Variants in GRIP2 observed in about 807,000 individuals in gnomAD.
GRIP2 encodes the protein glutamate receptor interacting protein 2, also known as glutamate receptor-interacting protein 2.
GRIP2 carries 58 observed loss-of-function variants against 108.3 expected under a neutral mutation model. The ratio of observed to expected loss-of-function variants is 0.54; its 90% CI spans 0.43 to 0.67. The LOEUF (loss-of-function observed/expected upper bound fraction) is 0.67. Ranked by LOEUF, GRIP2 falls within the 30% of genes least tolerant of loss-of-function variation. GRIP2 has a pLI of 0.00. For synonymous variants in GRIP2, 586 were observed against 598.2 expected (o/e 0.98, Z 0.30); for missense variants, 1,278 against 1,430.6 (o/e 0.89, Z 1.72).
chr3:14,589,693 A>G, the GRIP2 span, among the ~76,000 whole-genome samples: 2,766 of 152,240 alleles, frequency 0.018, 93 homozygotes, highest in African/African-American at 0.063. Context: ...GGTAACTGTC[A>G]AACTAACCTC....
At chr3:14,574,905 G>A in the GRIP2 span, 3 of 253,078 alleles carry the variant, frequency 1.2e-5, no homozygotes, top group South Asian at 8.9e-5. Context: ...AAGCATATAC[G>A]CTGTATTATT....
At chr3:14,558,289 C>T (rs560007843), upstream of GRIP2, among the ~76,000 whole-genome samples, 1 of 152,326 alleles carries the variant, frequency 6.6e-6, no homozygotes, top group East Asian at 1.9e-4. Context: ...CCAGGGAGCA[C>T]CCCTTATAAA....
chr3:14,584,323 G>A, the GRIP2 span, among the ~76,000 whole-genome samples: 1 of 152,102 alleles, frequency 6.6e-6, no homozygotes, highest in African/African-American at 2.4e-5. Flanking sequence ...CTCCACTTGG[G>A]GCTGTGTGGA....
chr3:14,574,898 C>A, the GRIP2 span: 67 of 269,732 alleles, frequency 2.5e-4, 1 homozygote, highest in Non-Finnish European at 3.8e-4. Flanking sequence ...GACAGTGAAG[C>A]ATATACGCTG....
the GRIP2 span, chr3:14,574,066 C>T: frequency 1.3e-6 from 2 of 1,497,588 alleles, no homozygotes; most frequent in Non-Finnish European, 1.9e-6. Context: ...ACGTACTTGA[C>T]GTTCTCGTAG....
chr3:14,511,778 G>T lies in GRIP2; in HGVS notation c.1721-299C>A, dbSNP rs374745965. On this transcript the variant is annotated intron_variant, in intron 14 of 23. Transcript: ENST00000621039. This position sits in a 1 kb window ranked among gnomAD's most constrained non-coding sequence, Gnocchi z 4.1. Reference sequence around the variant, plus strand: ...GCCAGCTCTTCTTTCCTCCTGCTCAGCCCATCCCCCAGCAAACTGCGAGCT... The same window carrying T: ...GCCAGCTCTTCTTTCCTCCTGCTCATCCCATCCCCCAGCAAACTGCGAGCT... Among the ~76,000 whole-genome samples the T allele has an allele frequency of 1.2e-4, 18 of 152,130 alleles. No homozygotes were observed. The highest frequency in any genetic ancestry group is 4.1e-4 in the African/African-American group (17 of 41,404).
the GRIP2 span, among the ~76,000 whole-genome samples, chr3:14,568,424 A>G: frequency 6.6e-6 from 1 of 152,204 alleles, no homozygotes; most frequent in East Asian, 1.9e-4. Flanking sequence ...TGTTCACTTT[A>G]CAGAGGAGGA....
At chr3:14,543,468 G>A (rs1432945513), upstream of GRIP2, among the ~76,000 whole-genome samples, 1 of 152,262 alleles carries the variant, frequency 6.6e-6, no homozygotes, top group Admixed American at 6.5e-5. Flanking sequence ...GTAGGTGAGA[G>A]AAGGATTTCC....
upstream of GRIP2, among the ~76,000 whole-genome samples, chr3:14,560,341 C>A (rs561026507): frequency 5.3e-5 from 8 of 152,312 alleles, 1 homozygote; most frequent in South Asian, 1.7e-3. Flanking sequence ...CATGTGCAGT[C>A]CAGCTTCTCT....
intron 21 of GRIP2, among the ~76,000 whole-genome samples, chr3:14,498,970 G>A (rs957086407): frequency 1.3e-5 from 2 of 152,198 alleles, no homozygotes; most frequent in African/African-American, 4.8e-5. Context: ...CTGTCTCAAA[G>A]CAGGAAACTG....
At chr3:14,544,199 G>GT (rs1695023161), upstream of GRIP2, among the ~76,000 whole-genome samples, 1 of 152,116 alleles carries the variant, frequency 6.6e-6, no homozygotes, top group Non-Finnish European at 1.5e-5. Flanking sequence ...CCTTGGAAGC[G>GT]TTTTGCAAAC....
intron 9 of GRIP2, 129 bp downstream of exon 9, chr3:14,519,981 G>T: frequency 1.1e-6 from 1 of 911,980 alleles, no homozygotes; most frequent in Non-Finnish European, 1.6e-6. Context: ...GAGCTTCCCT[G>T]GGCAAATGAG....
chr3:14,556,389 GT>G (rs1437949996), upstream of GRIP2, among the ~76,000 whole-genome samples: 2 of 152,160 alleles, frequency 1.3e-5, no homozygotes, highest in African/African-American at 2.4e-5. Flanking sequence ...TTCCCCTCTA[GT>G]GGGACTCCAT....
chr3:14,573,761 G>T, the GRIP2 span: 1 of 1,534,566 alleles, frequency 6.5e-7, no homozygotes, highest in Non-Finnish European at 9.0e-7. Context: ...CATATACCCT[G>T]GGATCCTGGT....
At chr3:14,578,573 C>T in the GRIP2 span, among the ~76,000 whole-genome samples, 1 of 151,994 alleles carries the variant, frequency 6.6e-6, no homozygotes, top group African/African-American at 2.4e-5. Flanking sequence ...AAAAATTAGC[C>T]AGGCATGGTG....
chr3:14,524,357 G>A, intron 4 of GRIP2, 36 bp downstream of exon 4: 1 of 1,598,066 alleles, frequency 6.3e-7, no homozygotes. Context: ...CCGCAACCGA[G>A]GCAGTGGAGA....
chr3:14,580,296 G>A, the GRIP2 span, among the ~76,000 whole-genome samples: 1 of 152,210 alleles, frequency 6.6e-6, no homozygotes, highest in Admixed American at 6.5e-5. Context: ...TTCCCTGAGT[G>A]GTTTCTTCCA....
At chr3:14,590,502 A>ACC in the GRIP2 span, among the ~76,000 whole-genome samples, 1,529 of 152,288 alleles carry the variant, frequency 0.01, 24 homozygotes, top group African/African-American at 0.034. Context: ...TAAGGCTGAT[A>ACC]CCCCGCCTTG....
At chr3:14,503,120 C>G (rs555903119) in intron 21 of GRIP2, among the ~76,000 whole-genome samples, 1 of 152,306 alleles carries the variant, frequency 6.6e-6, no homozygotes, top group African/African-American at 2.4e-5. Context: ...TCACTGATGT[C>G]AACACTCACG....
Sources: allele counts gnomAD v4.1 joint callset (sites outside exome capture counted in the v4.1 genomes callset), GRCh38; gene constraint gnomAD v4.1.1; non-coding constraint Gnocchi (gnomAD v3.1); transcripts MANE v1.5; gene names NCBI Gene and HGNC (gene_info 2026-07-23, HGNC 2026-07-21).